The following CFAP47 variants were observed in gnomAD, a reference collection of about 807,000 sequenced individuals.
The protein encoded by CFAP47 is cilia and flagella associated protein 47.
A neutral mutation model predicts 148.1 loss-of-function variants in CFAP47; 29 were observed. The observed-to-expected ratio is 0.20, with a 90% confidence interval of 0.15 to 0.27. The LOEUF (loss-of-function observed/expected upper bound fraction) is 0.27, where lower values mean the gene tolerates loss of function less well. CFAP47 is among the 10% of genes least tolerant of loss of function. CFAP47 has a pLI of 1.00. For synonymous variants in CFAP47, 664 were observed against 577.3 expected, an observed-to-expected ratio of 1.15 and a Z score of -2.15; for missense variants, 1,872 against 1,697.5, an observed-to-expected ratio of 1.10 and a Z score of -1.81.
At chrX:35,999,758 G>A (rs1374915246) in intron 19 of CFAP47, among the ~76,000 whole-genome samples, 2 of 111,581 alleles carry the variant, frequency 1.8e-5, no homozygotes, top group African/African-American at 6.5e-5. Context: ...TCAGGTGTTG[G>A]TTGGAAATAC....
At chrX:36,275,415 C>CGTGTGTGTGTGTGTGT (rs35781816) in intron 49 of CFAP47, among the ~76,000 whole-genome samples, 13 of 87,716 alleles carry the variant, frequency 1.5e-4, no homozygotes, top group African/African-American at 5.1e-4. Flanking sequence ...GTGAGATCGT[C>CGTGTGTGTGTGTGTGT]GTGTGTGTGT....
In CFAP47 at chrX:35,923,890, TATGTGTATATATGTAC is replaced by T. The variant is rs777283411; in HGVS notation, c.250-2108_250-2093del. Among the ~76,000 whole-genome samples, 57 of 88,432 alleles carry T rather than the reference TATGTGTATATATGTAC, an allele frequency of 6.4e-4. No homozygotes were observed. In the East Asian group the frequency reaches 7.8e-3, roughly 12 times the overall value. The allele number at this position is 88,432 out of a possible 115,157, so 76.8% of individuals were successfully genotyped here. On this transcript the variant is annotated intron_variant, in intron 1 of 63. Coordinates refer to ENST00000378653, the MANE Select transcript of CFAP47 (RefSeq NM_001304548.2). ...ACATATATGTATATATGTACATATA[TATGTGTATATATGTAC>T]ATGTGTATATATGTACATATATATG...
chrX:36,209,218 G>A lies in CFAP47; in HGVS notation c.6817+4108G>A, dbSNP rs945442832. Among the ~76,000 whole-genome samples the A allele has an allele frequency of 3.6e-5, 4 of 111,216 alleles. No individual in the cohort carries two copies. The East Asian group carries it at 8.5e-4, about 24-fold the overall frequency. On this transcript the variant is annotated intron_variant, in intron 45 of 63. Coordinates refer to ENST00000378653, the MANE Select transcript of CFAP47 (RefSeq NM_001304548.2). Reference sequence around the variant, plus strand: ...TTACCTAATATTAAAAGTATGAGTCGGTTAATTTTTCTCAAAATAACAAGG... The same window carrying A: ...TTACCTAATATTAAAAGTATGAGTCAGTTAATTTTTCTCAAAATAACAAGG...
rs919913509 is a variant in CFAP47, at chrX:36,228,481, G to A, written c.6818-147G>A. The A allele has an allele frequency of 1.6e-5, 7 of 434,054 alleles. No individual in the cohort carries two copies. The Admixed American group carries it at 2.8e-4, about 17-fold the overall frequency. The allele number at this position is 434,054 out of a possible 1,213,427, so 35.8% of individuals were successfully genotyped here. On this transcript the variant is annotated intron_variant, in intron 45 of 63. Coordinates refer to ENST00000378653, the MANE Select transcript of CFAP47 (RefSeq NM_001304548.2). ...AAATAAGCTTGCATGGTAAGCCCTG[G>A]AGATTTAGAAGTATTGTGTTATCCC...
intron 56 of CFAP47, among the ~76,000 whole-genome samples, chrX:36,317,407 G>GA (rs1941443003): frequency 9.5e-6 from 1 of 105,470 alleles, no homozygotes; most frequent in Admixed American, 1.0e-4. Context: ...TAAGTTTTGT[G>GA]TTTTTTTTTT....
intron 45 of CFAP47, among the ~76,000 whole-genome samples, chrX:36,223,554 A>G (rs1253461622): frequency 9.0e-6 from 1 of 111,481 alleles, no homozygotes; most frequent in Non-Finnish European, 1.9e-5. Flanking sequence ...TCAACTTACT[A>G]TATTACTTAA....
intron 60 of CFAP47, among the ~76,000 whole-genome samples, chrX:36,359,409 C>T (rs1397792066): frequency 1.8e-5 from 2 of 111,788 alleles, no homozygotes; most frequent in East Asian, 5.6e-4. Flanking sequence ...AATACTTTTA[C>T]TCCCCCTAAA....
chrX:36,217,897 T>TA (rs1298735228), intron 45 of CFAP47, among the ~76,000 whole-genome samples: 5 of 110,480 alleles, frequency 4.5e-5, no homozygotes, highest in East Asian at 2.8e-4. Context: ...AGCTGGTAAG[T>TA]AAAAAAAAAG....
chrX:36,020,126 C>T (rs1183583115), intron 22 of CFAP47, among the ~76,000 whole-genome samples: 6 of 111,348 alleles, frequency 5.4e-5, no homozygotes, highest in Non-Finnish European at 9.4e-5. Flanking sequence ...TGTTTTCTTT[C>T]TGTGAATTTG....
chrX:36,110,104 C>T (rs1284537040), intron 33 of CFAP47, among the ~76,000 whole-genome samples: 1 of 111,479 alleles, frequency 9.0e-6, no homozygotes, highest in Non-Finnish European at 1.9e-5. Context: ...TGTGCAAAAG[C>T]TTATTAGCTT....
intron 2 of CFAP47, among the ~76,000 whole-genome samples, chrX:35,929,498 A>G (rs767715017): frequency 1.6e-4 from 18 of 111,539 alleles, no homozygotes; most frequent in African/African-American, 5.2e-4. Flanking sequence ...TTGTTTGTTG[A>G]CATTGTATCC....
At chrX:36,221,268 G>C (rs1940210895) in intron 45 of CFAP47, among the ~76,000 whole-genome samples, 2 of 111,558 alleles carry the variant, frequency 1.8e-5, no homozygotes, top group African/African-American at 6.5e-5. Flanking sequence ...TATAAGGAAG[G>C]GTTTGCCATT....
chrX:36,345,192 CAAT>C (rs1569322570), intron 57 of CFAP47, among the ~76,000 whole-genome samples: 1 of 111,023 alleles, frequency 9.0e-6, no homozygotes, highest in Admixed American at 9.6e-5. Flanking sequence ...TTTCGTACAA[CAAT>C]GATTCATGAA....
At chrX:36,366,318 C>T (rs1037087609) in intron 61 of CFAP47, among the ~76,000 whole-genome samples, 5 of 111,656 alleles carry the variant, frequency 4.5e-5, no homozygotes, top group African/African-American at 1.6e-4. Flanking sequence ...CCTATCTCTC[C>T]ACTCTTTGTC....
chrX:36,348,209 GTTA>G lies in CFAP47; in HGVS notation c.8530_8532del (p.Ile2844del). 1.9e-6 allele frequency: 2 copies of G among 1,054,812 alleles called. No individual in the cohort carries two copies. Among genetic ancestry groups the G allele is most frequent in the African/African-American group, 3.9e-5 (2 of 51,162 alleles). 86.9% of individuals were successfully genotyped at this position (1,054,812 alleles called of 1,213,427 possible). A position where few individuals can be genotyped will look rare whatever the true frequency, so the allele number is the denominator to read the frequency against. On this transcript the variant is annotated inframe_deletion, in exon 58 of 64. Transcript: ENST00000378653. ...AATTATGAAATTACACAAAACAATG[GTTA>G]TTATTGAGATGACGAAAGCAAATGG... is the stretch of plus-strand genomic sequence containing the variant.
intron 49 of CFAP47, among the ~76,000 whole-genome samples, chrX:36,264,283 G>A (rs973230478): frequency 7.2e-5 from 8 of 111,350 alleles, no homozygotes; most frequent in Admixed American, 3.8e-4. Context: ...AGTAGATCAC[G>A]TACACCCCCC....
intron 8 of CFAP47, among the ~76,000 whole-genome samples, chrX:35,958,918 G>T (rs895621092): frequency 8.9e-6 from 1 of 111,845 alleles, no homozygotes; most frequent in Non-Finnish European, 1.9e-5. Context: ...GACAGAAAAT[G>T]TGTCAGTGTC....
Position 35,950,728 on chromosome X carries a change from G to A in CFAP47, c.657-403G>A, listed in dbSNP as rs147650807. On this transcript the variant is annotated intron_variant, in intron 4 of 63. Transcript: ENST00000378653. ...GTAAGGAATTGAGGTGTAAGGATGG[G>A]GATGAGATAAGCTGTTGGACTTGGG... is the stretch of plus-strand genomic sequence containing the variant. 5.7e-3 allele frequency among the ~76,000 whole-genome samples: 632 copies of A among 111,385 alleles called. 6 individuals are homozygous for A. The highest frequency in any genetic ancestry group is 0.019 in the African/African-American group (579 of 30,707).
intron 29 of CFAP47, among the ~76,000 whole-genome samples, chrX:36,078,604 A>C (rs886378205): frequency 9.0e-6 from 1 of 110,909 alleles, no homozygotes; most frequent in Non-Finnish European, 1.9e-5. Flanking sequence ...GGGTCTCTGC[A>C]CATGAGATGG....
Sources: gnomAD v4.1 joint callset for allele counts (sites outside exome capture counted in the v4.1 genomes callset) on GRCh38, gnomAD v4.1.1 for gene constraint, MANE v1.5 for transcripts, NCBI Gene and HGNC (gene_info 2026-07-23, HGNC 2026-07-21) for gene names.